Variants in APBB1 observed in about 807,000 individuals in gnomAD.
APBB1 encodes the protein amyloid beta precursor protein binding family B member 1, also known as adaptor protein FE65a2.
APBB1 carries 22 observed loss-of-function variants against 78.4 expected under a neutral mutation model. The observed-to-expected ratio is 0.28, with a 90% CI of 0.20 to 0.40. The LOEUF (loss-of-function observed/expected upper bound fraction) is 0.40, where lower values mean the gene tolerates loss of function less well. APBB1 is among the 10% of genes least tolerant of loss of function. The probability of loss-of-function intolerance (pLI) is 1.00; values close to 1 mark genes in which losing one functional copy is unlikely to be tolerated. For missense variants in APBB1, 749 were observed against 932.4 expected, an observed-to-expected ratio of 0.80 and a Z score of 2.56; for synonymous variants, 369 against 372.7, an observed-to-expected ratio of 0.99 and a Z score of 0.12.
intron 1 of APBB1, among the ~76,000 whole-genome samples, chr11:6,413,933 T>C (rs866576448): frequency 2.0e-5 from 3 of 152,184 alleles, no homozygotes; most frequent in South Asian, 4.1e-4. Flanking sequence ...TCACAGCCAC[T>C]GGAATAAATG....
In APBB1 at chr11:6,411,461, T is replaced by C; in HGVS notation, c.-14-100A>G. The C allele has an allele frequency of 9.2e-7, 1 of 1,083,084 alleles. No individual in the cohort carries two copies. 67.1% of individuals were successfully genotyped at this position (1,083,084 alleles called of 1,614,324 possible). On this transcript the variant is annotated intron_variant, in intron 1 of 14. Transcript: ENST00000609360. The surrounding 1 kb of genome is among the most constrained non-coding windows in gnomAD (Gnocchi z 5.2). ...TATGCCCTGTGCCTCCTCATCTCCCTGCACTAAGCAGGCTAGCACCCATGG... is the reference window on the plus strand; with the variant it reads ...TATGCCCTGTGCCTCCTCATCTCCCCGCACTAAGCAGGCTAGCACCCATGG...
chr11:6,399,663 A>G (rs1848400794), intron 12 of APBB1, among the ~76,000 whole-genome samples: 2 of 152,220 alleles, frequency 1.3e-5, no homozygotes, highest in Non-Finnish European at 2.9e-5. Context: ...TGAAATAGCC[A>G]AAGTGAGCTT....
At chr11:6,396,719 C>T (rs190152313) in intron 12 of APBB1, 1 of 155,150 alleles carries the variant, frequency 6.4e-6, no homozygotes, top group Non-Finnish European at 1.4e-5. Flanking sequence ...AACAACATCA[C>T]AATAGATTAC....
intron 2 of APBB1, chr11:6,405,528 C>T: frequency 1.0e-6 from 1 of 986,142 alleles, no homozygotes; most frequent in Non-Finnish European, 1.2e-6. Context: ...TACTAAGGGA[C>T]AGGCAGTCCC....
In APBB1 at chr11:6,395,674, G is replaced by A. The variant is rs1256536549; in HGVS notation, c.1993C>T (p.Arg665Cys). The A allele has an allele frequency of 6.9e-6, 11 of 1,589,014 alleles. No individual in the cohort carries two copies. The highest frequency in any genetic ancestry group is 8.6e-6 in the Non-Finnish European group (10 of 1,166,752). ...MLRYQKCLDA[R>C]SQASTSCLPA... Reference sequence around the variant, plus strand: ...AGGCAGGAGGTGGAGGCCTGGGAACGGGCATCCAGACACTTCTGGTAGCGA... The same window carrying A: ...AGGCAGGAGGTGGAGGCCTGGGAACAGGCATCCAGACACTTCTGGTAGCGA... Residue 665 changes from arginine (R) to cysteine (C), a missense_variant, in exon 15 of 15, where the codon CGT becomes TGT. Coordinates refer to ENST00000609360, the MANE Select transcript of APBB1 (RefSeq NM_001164.5). This position sits in a 1 kb window ranked among gnomAD's most constrained non-coding sequence, Gnocchi z 5.2.
chr11:6,400,400 G>T (rs541657909), intron 12 of APBB1, among the ~76,000 whole-genome samples: 2 of 152,164 alleles, frequency 1.3e-5, no homozygotes, highest in Non-Finnish European at 2.9e-5. Flanking sequence ...AAATTAACCA[G>T]GCGTGGTGGC....
At chr11:6,413,074 T>A (rs1425522700) in intron 1 of APBB1, among the ~76,000 whole-genome samples, 1 of 151,828 alleles carries the variant, frequency 6.6e-6, no homozygotes, top group Non-Finnish European at 1.5e-5. Flanking sequence ...CTGCTCTCCT[T>A]CCCGGACCCC....
At chr11:6,399,084 G>A (rs1264052745) in intron 12 of APBB1, among the ~76,000 whole-genome samples, 1 of 152,018 alleles carries the variant, frequency 6.6e-6, no homozygotes, top group African/African-American at 2.4e-5. Flanking sequence ...CACTATCCTT[G>A]GCAGTTTCAT....
intron 12 of APBB1, among the ~76,000 whole-genome samples, chr11:6,398,683 C>T (rs982201221): frequency 2.6e-5 from 4 of 152,192 alleles, no homozygotes; most frequent in African/African-American, 9.7e-5. Context: ...GGTCAGCATG[C>T]TTTTCTCACC....
chr11:6,400,924 C>T, intron 12 of APBB1, 65 bp downstream of exon 12: 1 of 1,466,704 alleles, frequency 6.8e-7, no homozygotes. Flanking sequence ...TATTGGAAGG[C>T]AGAGGGTAGG....
chr11:6,396,521 T>C (rs1422936501), intron 12 of APBB1: 2 of 358,082 alleles, frequency 5.6e-6, no homozygotes, highest in South Asian at 2.9e-5. Flanking sequence ...CCCCAAATCA[T>C]GCTCTCTCAG....
intron 12 of APBB1, among the ~76,000 whole-genome samples, chr11:6,397,368 A>C (rs1848285543): frequency 6.6e-6 from 1 of 152,160 alleles, no homozygotes; most frequent in South Asian, 2.1e-4. Context: ...AAAGCATACA[A>C]GTCTTCCAAA....
At position 6,401,220 on chromosome 11, in the gene APBB1, T is replaced by C; in HGVS notation, c.1588+125A>G. The C allele has an allele frequency of 1.9e-6, 3 of 1,610,770 alleles. No homozygotes were observed. The highest frequency in any genetic ancestry group is 2.5e-6 in the Non-Finnish European group (3 of 1,178,366). The stretch of plus-strand genomic sequence containing the variant: ...CCTTTAACCGGAGTCCCTCCACGTA[T>C]TGGAGTATTCAGTCTTCATGTGTTC... On this transcript the variant is annotated intron_variant, in intron 11 of 14. Coordinates refer to ENST00000609360, the MANE Select transcript of APBB1 (RefSeq NM_001164.5). The surrounding 1 kb of genome is among the most constrained non-coding windows in gnomAD (Gnocchi z 4.5).
At chr11:6,410,530 T>C (rs1848930709) in intron 2 of APBB1, 97 bp downstream of exon 2, 1 of 1,121,500 alleles carries the variant, frequency 8.9e-7, no homozygotes, top group African/African-American at 1.6e-5. Flanking sequence ...GGGTATGGGC[T>C]CTCAGCTCAC....
intron 12 of APBB1, 46 bp from the exon 13 acceptor site, chr11:6,396,261 A>C: frequency 1.3e-6 from 2 of 1,493,628 alleles, no homozygotes; most frequent in East Asian, 4.9e-5. Flanking sequence ...GACAGAGGAT[A>C]CCCCAGCTCT....
chr11:6,404,106 A>C, intron 2 of APBB1: 1 of 403,732 alleles, frequency 2.5e-6, no homozygotes, highest in Non-Finnish European at 4.4e-6. Flanking sequence ...GGAGCAATGA[A>C]TGTTGGGTGA....
intron 2 of APBB1, chr11:6,405,236 A>T: frequency 9.8e-7 from 1 of 1,025,492 alleles, no homozygotes; most frequent in African/African-American, 1.7e-5. Context: ...CTGTCAGCAT[A>T]AATAGGGTGT....
rs774506962 is a variant in APBB1, at chr11:6,395,646, G to A, written c.2021C>T (p.Pro674Leu). 6.3e-7 allele frequency: 1 copy of A among 1,595,534 alleles called. No homozygotes were observed. Among genetic ancestry groups the A allele is most frequent in the Non-Finnish European group, 8.6e-7 (1 of 1,169,546 alleles). ...TGCCACAGACTCAGCAGGGGGTGCT[G>A]GGAGGCAGGAGGTGGAGGCCTGGGA... ...ARSQASTSCL[P>L]APPAESVARR... Residue 674 changes from proline to leucine, a missense_variant, in exon 15 of 15, where the codon CCA becomes CTA. Transcript: ENST00000609360. The surrounding 1 kb of genome is among the most constrained non-coding windows in gnomAD (Gnocchi z 5.2).
At position 6,402,135 on chromosome 11, in the gene APBB1, G is replaced by A. The variant is rs143708016; in HGVS notation, c.1329C>T (p.His443=). ...LVEPQSQALL[H]AQPIISIRVW... is the part of the protein sequence containing the mutation. ...CGCGGATGCTGATGATGGGTTGGGC[G>A]TGCAGCAGTGCCTGGCTCTGTGGCT... The change falls in exon 8 of 15, where the codon CAC becomes CAT. Residue 443 remains histidine (H), a synonymous_variant. Transcript: ENST00000609360. The A allele has an allele frequency of 2.7e-4, 428 of 1,614,046 alleles. No individual in the cohort carries two copies. The highest frequency in any genetic ancestry group is 1.8e-3 in the African/African-American group (132 of 75,024).
Sources: allele counts gnomAD v4.1 joint callset (sites outside exome capture counted in the v4.1 genomes callset), GRCh38; gene constraint gnomAD v4.1.1; non-coding constraint Gnocchi (gnomAD v3.1); transcripts MANE v1.5; gene names NCBI Gene and HGNC (gene_info 2026-07-23, HGNC 2026-07-21).